PRKN: variants seen among roughly 807,000 people sequenced by gnomAD.
PRKN encodes E3 ubiquitin-protein ligase parkin.
PRKN carries 56 observed loss-of-function variants against 59.5 expected under a neutral mutation model. That is an observed-to-expected ratio of 0.94 (90% CI 0.76 to 1.18). PRKN has a LOEUF of 1.18. Ranked by LOEUF, PRKN falls within the 50% of genes most tolerant of loss-of-function variation. PRKN has a pLI of 0.00. For missense variants in PRKN, 657 were observed against 596.4 expected (o/e 1.10, Z -1.06); for synonymous variants, 250 against 222.1 (o/e 1.13, Z -1.12).
intron 5 of PRKN, among the ~76,000 whole-genome samples, chr6:162,036,279 A>G (rs563716622): frequency 1.4e-3 from 211 of 151,804 alleles, no homozygotes; most frequent in African/African-American, 4.2e-3. Flanking sequence ...AGCCGAGATC[A>G]CGCCACTGCA....
intron 6 of PRKN, among the ~76,000 whole-genome samples, chr6:161,960,886 T>G (rs1286905958): frequency 2.0e-5 from 3 of 152,202 alleles, no homozygotes; most frequent in Non-Finnish European, 4.4e-5. Context: ...GAATTTTCAC[T>G]AATGAATATA....
intron 4 of PRKN, among the ~76,000 whole-genome samples, chr6:162,146,868 T>A (rs955251139): frequency 6.6e-6 from 1 of 151,714 alleles, no homozygotes; most frequent in African/African-American, 2.4e-5. Context: ...GTAGCTGAGA[T>A]TACAGGCATG....
intron 7 of PRKN, among the ~76,000 whole-genome samples, chr6:161,711,274 G>A (rs1313396368): frequency 5.9e-5 from 9 of 152,136 alleles, no homozygotes; most frequent in Non-Finnish European, 1.3e-4. Context: ...ATATAACGAT[G>A]AGAAAGCAGC....
chr6:161,889,952 G>A (rs1041412662), intron 6 of PRKN, among the ~76,000 whole-genome samples: 1 of 152,042 alleles, frequency 6.6e-6, no homozygotes, highest in Non-Finnish European at 1.5e-5. Flanking sequence ...ACCAAAAGAA[G>A]CCCCATACAT....
Position 162,629,366 on chromosome 6 carries a change from C to T in PRKN, c.7+98296G>A, listed in dbSNP as rs1050473886. Among the ~76,000 whole-genome samples, 3 of 152,178 alleles carry T rather than the reference C, an allele frequency of 2.0e-5. No homozygotes were observed. In the East Asian group the frequency reaches 5.8e-4, roughly 29 times the overall value. ...TTTGCTAATTACCTACAAATCACTA[C>T]ACAGGTTTTACAGCTGCTATATATT... On this transcript the variant is annotated intron_variant, in intron 1 of 11. Coordinates refer to ENST00000366898, the MANE Select transcript of PRKN (RefSeq NM_004562.3).
At chr6:161,833,778 G>T (rs537022467) in intron 6 of PRKN, among the ~76,000 whole-genome samples, 1 of 152,140 alleles carries the variant, frequency 6.6e-6, no homozygotes, top group African/African-American at 2.4e-5. Flanking sequence ...ACACAGAGGT[G>T]GAGAAAGGGT....
chr6:161,705,139 GA>G (rs965959553), intron 7 of PRKN, among the ~76,000 whole-genome samples: 30 of 152,118 alleles, frequency 2.0e-4, no homozygotes, highest in African/African-American at 6.5e-4. Flanking sequence ...TGGAGCCTCA[GA>G]TCCTCAACTA....
chr6:161,634,225 G>A (rs1006480233), intron 7 of PRKN, among the ~76,000 whole-genome samples: 1 of 152,162 alleles, frequency 6.6e-6, no homozygotes, highest in African/African-American at 2.4e-5. Flanking sequence ...ACAAGGTCTG[G>A]ATGAGCTGAA....
At chr6:162,498,339 T>C (rs1000650095) in intron 1 of PRKN, among the ~76,000 whole-genome samples, 1 of 151,116 alleles carries the variant, frequency 6.6e-6, no homozygotes, top group African/African-American at 2.4e-5. Context: ...ATTTGATGTC[T>C]ATCTAGTCTA....
chr6:161,920,782 G>C (rs1778755678), intron 6 of PRKN, among the ~76,000 whole-genome samples: 2 of 145,316 alleles, frequency 1.4e-5, no homozygotes, highest in South Asian at 2.2e-4. Flanking sequence ...GAGTGAGACT[G>C]TCTAAAAAAA....
At chr6:161,422,720 GAAGA>G (rs1300464228) in intron 9 of PRKN, among the ~76,000 whole-genome samples, 1 of 152,120 alleles carries the variant, frequency 6.6e-6, no homozygotes, top group African/African-American at 2.4e-5. Flanking sequence ...AAGAAGGAAG[GAAGA>G]AAGGAAGGCA....
At chr6:162,564,292 C>T (rs1183708020) in intron 1 of PRKN, among the ~76,000 whole-genome samples, 2 of 151,814 alleles carry the variant, frequency 1.3e-5, no homozygotes, top group Non-Finnish European at 2.9e-5. Flanking sequence ...TTGCAGTGAG[C>T]TGAGATAACA....
At chr6:162,008,148 A>C (rs1327269651) in intron 5 of PRKN, among the ~76,000 whole-genome samples, 1 of 152,226 alleles carries the variant, frequency 6.6e-6, no homozygotes, top group Non-Finnish European at 1.5e-5. Context: ...AAAGTTTACT[A>C]TGAAAATTCC....
At chr6:162,280,378 G>A (rs187327389) in intron 2 of PRKN, among the ~76,000 whole-genome samples, 16 of 152,206 alleles carry the variant, frequency 1.1e-4, no homozygotes, top group Admixed American at 5.2e-4. Flanking sequence ...ACACAGCTAA[G>A]GTAGTGTCAA....
intron 6 of PRKN, among the ~76,000 whole-genome samples, chr6:161,914,258 T>C (rs1170280116): frequency 2.0e-5 from 3 of 152,180 alleles, no homozygotes; most frequent in African/African-American, 4.8e-5. Flanking sequence ...TGAGGATGTC[T>C]AGATATTGGT....
At chr6:161,541,975 G>T (rs1236398673) in intron 9 of PRKN, among the ~76,000 whole-genome samples, 1 of 152,092 alleles carries the variant, frequency 6.6e-6, no homozygotes. Context: ...GTATTAGAAC[G>T]TAAGTCCACT....
Position 161,354,814 on chromosome 6 carries a change from T to C in PRKN, c.1286-4603A>G, listed in dbSNP as rs751430356. Among the ~76,000 whole-genome samples, 16 of 152,162 alleles carry C rather than the reference T, an allele frequency of 1.1e-4. No homozygotes were observed. The highest frequency in any genetic ancestry group is 2.4e-4 in the Non-Finnish European group (16 of 68,032). Reference sequence around the variant, plus strand: ...AGCTTCAAGTCTCAGCTTTTCTGTTTGTAAGTTAAAAATTTGGAGGTAAAA... The same window carrying C: ...AGCTTCAAGTCTCAGCTTTTCTGTTCGTAAGTTAAAAATTTGGAGGTAAAA... On this transcript the variant is annotated intron_variant, in intron 11 of 11. Transcript: ENST00000366898. This position sits in a 1 kb window ranked among gnomAD's most constrained non-coding sequence, Gnocchi z 6.7.
chr6:161,929,524 T>TA, intron 6 of PRKN, among the ~76,000 whole-genome samples: 1 of 142,332 alleles, frequency 7.0e-6, no homozygotes, highest in African/African-American at 2.6e-5. Context: ...CCTCTTTTTT[T>TA]TTTTTTTTTT....
chr6:161,349,623 A>G lies in PRKN; in HGVS notation c.*476T>C. 1 of 259,030 alleles carries G rather than the reference A, an allele frequency of 3.9e-6. No individual in the cohort carries two copies. Among genetic ancestry groups the G allele is most frequent in the Non-Finnish European group, 7.5e-6 (1 of 133,254 alleles). The allele number at this position is 259,030 out of a possible 1,614,324, so 16.0% of individuals were successfully genotyped here. On this transcript the variant is annotated 3_prime_UTR_variant, in exon 12 of 12. Coordinates refer to ENST00000366898, the MANE Select transcript of PRKN (RefSeq NM_004562.3). This position sits in a 1 kb window ranked among gnomAD's most constrained non-coding sequence, Gnocchi z 5.5. ...GAGAACCCACTGCAGTTCATTTTACAGAGAAACACCTTGTCAATGGCATCT... is the reference window on the plus strand; with the variant it reads ...GAGAACCCACTGCAGTTCATTTTACGGAGAAACACCTTGTCAATGGCATCT...
Sources: gnomAD v4.1 joint callset for allele counts (sites outside exome capture counted in the v4.1 genomes callset) on GRCh38, gnomAD v4.1.1 for gene constraint, Gnocchi (gnomAD v3.1) non-coding constraint, MANE v1.5 for transcripts, NCBI Gene and HGNC (gene_info 2026-07-23, HGNC 2026-07-21) for gene names.